STK35: variants seen among roughly 807,000 people sequenced by gnomAD.
STK35 encodes the protein serine/threonine-protein kinase 35.
In STK35, 17 loss-of-function variants were observed where a neutral mutation model predicts 37.3. The ratio of observed to expected loss-of-function variants is 0.46; its 90% confidence interval spans 0.31 to 0.68. STK35 has a LOEUF of 0.68. Ranked by LOEUF, STK35 falls within the 30% of genes least tolerant of loss-of-function variation. The probability of loss-of-function intolerance (pLI) is 0.05; values close to 1 mark genes in which losing one functional copy is unlikely to be tolerated. For synonymous variants in STK35, 385 were observed against 319.1 expected (o/e 1.21, Z -2.20); for missense variants, 595 against 746.7 (o/e 0.80, Z 2.37).
chr20:2,113,439 G>C (rs1985657108), intron 2 of STK35, among the ~76,000 whole-genome samples: 1 of 152,214 alleles, frequency 6.6e-6, no homozygotes, highest in Non-Finnish European at 1.5e-5. Flanking sequence ...TGGTGTTGCA[G>C]CTAGCCTTAA....
intron 3 of STK35, among the ~76,000 whole-genome samples, chr20:2,123,134 T>C (rs1393163406): frequency 1.3e-5 from 2 of 152,174 alleles, no homozygotes; most frequent in African/African-American, 2.4e-5. Context: ...CTGTCTGATA[T>C]ACAAACCTCC....
At chr20:2,121,247 G>C (rs975003897) in intron 3 of STK35, among the ~76,000 whole-genome samples, 2 of 152,166 alleles carry the variant, frequency 1.3e-5, no homozygotes, top group Admixed American at 1.3e-4. Context: ...TGAAATAACG[G>C]GATAAGATGG....
In STK35 at chr20:2,117,506, A is replaced by G; in HGVS notation, c.*37+91A>G. 1 of 695,164 alleles carries G rather than the reference A, an allele frequency of 1.4e-6. No homozygotes were observed. The highest frequency in any genetic ancestry group is 2.1e-5 in the South Asian group (1 of 46,854). 43.1% of individuals were successfully genotyped at this position (695,164 alleles called of 1,614,324 possible). On this transcript the variant is annotated intron_variant, in intron 3 of 3. Transcript: ENST00000381482. This position sits in a 1 kb window ranked among gnomAD's most constrained non-coding sequence, Gnocchi z 4.4. ...GCTGGGGTGCAGCGGGTGCAGTGGC[A>G]GGATCTCAGCTCACTGCAACCTCCA...
At chr20:2,135,616 A>G (rs895107760) in intron 3 of STK35, among the ~76,000 whole-genome samples, 4 of 152,202 alleles carry the variant, frequency 2.6e-5, no homozygotes, top group African/African-American at 7.2e-5. Flanking sequence ...TAATCCCAGC[A>G]CTTTGGGAGG....
chr20:2,107,364 A>G (rs1234208360), intron 2 of STK35, among the ~76,000 whole-genome samples: 1 of 152,238 alleles, frequency 6.6e-6, no homozygotes. Flanking sequence ...TCAACTTGAT[A>G]AGACACTAAT....
chr20:2,105,384 C>T (rs1381698735), intron 2 of STK35, among the ~76,000 whole-genome samples: 1 of 152,186 alleles, frequency 6.6e-6, no homozygotes, highest in African/African-American at 2.4e-5. Flanking sequence ...AGTCTCGAAC[C>T]TTCAACCTCA....
At chr20:2,113,782 A>G (rs1985664155) in intron 2 of STK35, among the ~76,000 whole-genome samples, 1 of 152,160 alleles carries the variant, frequency 6.6e-6, no homozygotes, top group South Asian at 2.1e-4. Flanking sequence ...ATTCTGCCAA[A>G]TGTAGTTCCT....
rs534085159 is a variant in STK35 at position 2,140,271 on chromosome 20, G to A, written c.*38-3513G>A. On this transcript the variant is annotated intron_variant, in intron 3 of 3. Transcript: ENST00000381482. ...GGTTCCACAGAGAGGAATGAGAAGA[G>A]CCCCGGTAGAAGCTGGTAGCCAGGC... Among the ~76,000 whole-genome samples, 8 of 152,318 alleles carry A rather than the reference G, an allele frequency of 5.3e-5. No individual in the cohort carries two copies. The East Asian group carries it at 1.4e-3, about 26-fold the overall frequency.
intron 3 of STK35, among the ~76,000 whole-genome samples, chr20:2,125,514 C>T (rs894073273): frequency 2.6e-5 from 4 of 152,224 alleles, no homozygotes; most frequent in African/African-American, 9.6e-5. Flanking sequence ...ATTCTACAGC[C>T]TCTTAAAGCC....
chr20:2,107,924 AGTTTCACCCT>A (rs1370025139), intron 2 of STK35, among the ~76,000 whole-genome samples: 16 of 152,340 alleles, frequency 1.1e-4, no homozygotes, highest in African/African-American at 3.1e-4. Flanking sequence ...TTTTAATCCC[AGTTTCACCCT>A]GTAAATAAGA....
intron 3 of STK35, among the ~76,000 whole-genome samples, chr20:2,142,285 A>G (rs944301988): frequency 6.6e-6 from 1 of 152,136 alleles, no homozygotes; most frequent in Non-Finnish European, 1.5e-5. Flanking sequence ...GCTCAGAGGG[A>G]GAAACTGAGG....
chr20:2,107,391 T>C (rs1041385808), intron 2 of STK35, among the ~76,000 whole-genome samples: 2 of 152,208 alleles, frequency 1.3e-5, no homozygotes, highest in East Asian at 1.9e-4. Flanking sequence ...TTACCAATTG[T>C]TTGATGTCGA....
chr20:2,136,413 G>A (rs892847417), intron 3 of STK35, among the ~76,000 whole-genome samples: 4 of 152,210 alleles, frequency 2.6e-5, no homozygotes, highest in Non-Finnish European at 4.4e-5. Context: ...TAGAAAAATA[G>A]CATGGGCTTC....
chr20:2,130,823 C>A (rs778331683), intron 3 of STK35, among the ~76,000 whole-genome samples: 1 of 152,110 alleles, frequency 6.6e-6, no homozygotes, highest in Non-Finnish European at 1.5e-5. Context: ...CTTATCTGGA[C>A]GGTCAGCCAG....
At chr20:2,111,402 A>G (rs1464390043) in intron 2 of STK35, among the ~76,000 whole-genome samples, 3 of 152,200 alleles carry the variant, frequency 2.0e-5, no homozygotes, top group Non-Finnish European at 4.4e-5. Context: ...ACATCTCTAA[A>G]ATACGTCAGT....
chr20:2,129,143 T>A lies in STK35; in HGVS notation c.*37+11728T>A, dbSNP rs543687978. 2.0e-3 allele frequency among the ~76,000 whole-genome samples: 306 copies of A among 152,242 alleles called. 1 individual carries two copies. Among genetic ancestry groups the A allele is most frequent in the Non-Finnish European group, 3.5e-3 (235 of 68,010 alleles). ...AGGCCTCTAAGTGGAATCTTAAACA[T>A]GACTTTGAATTGTGACTAGCAAACT... is the stretch of plus-strand genomic sequence containing the variant. On this transcript the variant is annotated intron_variant, in intron 3 of 3. Transcript: ENST00000381482.
chr20:2,110,574 G>C (rs1370427869), intron 2 of STK35, among the ~76,000 whole-genome samples: 1 of 152,126 alleles, frequency 6.6e-6, no homozygotes, highest in East Asian at 1.9e-4. Context: ...TTTGTTGGGT[G>C]GGGAGGCTTG....
intron 2 of STK35, among the ~76,000 whole-genome samples, chr20:2,114,246 G>A (rs373189564): frequency 6.6e-6 from 1 of 152,082 alleles, no homozygotes; most frequent in Non-Finnish European, 1.5e-5. Flanking sequence ...CCTGCGCAAA[G>A]AAGTACTTTT....
At position 2,102,166 on chromosome 20, in the gene STK35, C is replaced by T; in HGVS notation, c.285C>T (p.Cys95=). 1 of 1,386,292 alleles carries T rather than the reference C, an allele frequency of 7.2e-7. No individual in the cohort carries two copies. 85.9% of individuals were successfully genotyped at this position (1,386,292 alleles called of 1,614,324 possible). A position where few individuals can be genotyped will look rare whatever the true frequency, so the allele number is the denominator to read the frequency against. The change falls in exon 1 of 4, where the codon TGC becomes TGT. Residue 95 remains cysteine, a synonymous_variant. Coordinates refer to ENST00000381482, the MANE Select transcript of STK35 (RefSeq NM_080836.4). Reference sequence around the variant, plus strand: ...AACGGGCCGCCCGGAAGTGGAGGTGCGCGGGCCAGGTAAGGGCGCCGTTGG... The same window carrying T: ...AACGGGCCGCCCGGAAGTGGAGGTGTGCGGGCCAGGTAAGGGCGCCGTTGG... ...GGKRAARKWR[C]AGQVTIQGPA...
Sources: gnomAD v4.1 joint callset for allele counts (sites outside exome capture counted in the v4.1 genomes callset) on GRCh38, gnomAD v4.1.1 for gene constraint, Gnocchi (gnomAD v3.1) non-coding constraint, MANE v1.5 for transcripts, NCBI Gene and HGNC (gene_info 2026-07-23, HGNC 2026-07-21) for gene names.